The following PCDHGB2 variants were observed in gnomAD, a reference collection of about 807,000 sequenced individuals.
The protein encoded by PCDHGB2 is protocadherin gamma subfamily B, 2.
In PCDHGB2, 55 loss-of-function variants were observed where a neutral mutation model predicts 59.3. The observed-to-expected ratio is 0.93, with a 90% CI of 0.75 to 1.16. The LOEUF (loss-of-function observed/expected upper bound fraction) is 1.16. PCDHGB2 is among the 50% of genes most tolerant of loss of function. The pLI, the probability that PCDHGB2 is intolerant of heterozygous loss-of-function variation, is 0.00. For synonymous variants in PCDHGB2, 516 were observed against 512.0 expected (o/e 1.01, Z -0.11); for missense variants, 1,228 against 1,198.5 (o/e 1.02, Z -0.36).
At chr5:141,383,989 A>G in intron 1 of PCDHGB2, 1 of 1,613,876 alleles carries the variant, frequency 6.2e-7, no homozygotes, top group Non-Finnish European at 8.5e-7. Context: ...ACCTCTTGGG[A>G]CAGTCATTGC....
chr5:141,377,666 T>C (rs1416026384), intron 1 of PCDHGB2: 1 of 152,116 alleles, frequency 6.6e-6, no homozygotes, highest in Admixed American at 6.5e-5. Context: ...ACGACAGACG[T>C]TCATACAAGA....
intron 1 of PCDHGB2, among the ~76,000 whole-genome samples, chr5:141,401,149 C>T (rs1398876381): frequency 6.6e-6 from 1 of 152,132 alleles, no homozygotes; most frequent in Non-Finnish European, 1.5e-5. Flanking sequence ...CAAGACCAGC[C>T]TGGGCAATAT....
chr5:141,409,143 G>C (rs778597273), intron 1 of PCDHGB2: 2 of 1,613,986 alleles, frequency 1.2e-6, no homozygotes, highest in Admixed American at 3.3e-5. Context: ...GATGTAGAAA[G>C]GTACACCATG....
chr5:141,383,387 G>A lies in PCDHGB2; in HGVS notation c.2421+20831G>A, dbSNP rs1779095569. ...AGCGAGGCTGGGGATCCAGATGTGG[G>A]CACGAACTCCCTCCAGAGTTACCAG... is the stretch of plus-strand genomic sequence containing the variant. On this transcript the variant is annotated intron_variant, in intron 1 of 3. Coordinates refer to ENST00000522605, the MANE Select transcript of PCDHGB2 (RefSeq NM_018923.3). 3.7e-6 allele frequency: 6 copies of A among 1,614,010 alleles called. No individual in the cohort carries two copies. The East Asian group carries it at 1.3e-4, about 36-fold the overall frequency.
At chr5:141,460,067 G>T (rs1168161575) in intron 1 of PCDHGB2, among the ~76,000 whole-genome samples, 1 of 151,996 alleles carries the variant, frequency 6.6e-6, no homozygotes, top group Non-Finnish European at 1.5e-5. Flanking sequence ...AACAGAGTGA[G>T]ACTTCATCTA....
Position 141,443,643 on chromosome 5 carries a change from A to C in PCDHGB2, c.2422-51164A>C, listed in dbSNP as rs188777289. The stretch of plus-strand genomic sequence containing the variant: ...GTGATTGTAAAAATTGATCCAGATA[A>C]TGTTAGCATAGCATTTTACTGAACT... On this transcript the variant is annotated intron_variant, in intron 1 of 3. Coordinates refer to ENST00000522605, the MANE Select transcript of PCDHGB2 (RefSeq NM_018923.3). Among the ~76,000 whole-genome samples, 238 of 152,370 alleles carry C rather than the reference A, an allele frequency of 1.6e-3. 2 individuals are homozygous for C. The highest frequency in any genetic ancestry group is 2.5e-3 in the Non-Finnish European group (169 of 68,028).
chr5:141,360,913 T>G lies in PCDHGB2; in HGVS notation c.778T>G (p.Phe260Val). Residue 260 changes from phenylalanine to valine, a missense_variant, in exon 1 of 4, where the codon TTT (phenylalanine) becomes GTT (valine). Around this residue, in one of 3 missense-constraint regions of PCDHGB2, gnomAD observed 781 missense variants for 721.6 expected, o/e 1.08. Transcript: ENST00000522605. ...TLREDVPPGF[F>V]VLQVTATDRD... is the part of the protein sequence containing the mutation. ...GAGGGAGGACGTGCCGCCGGGCTTC[T>G]TTGTGCTTCAAGTGACAGCCACCGA... 6.2e-7 allele frequency: 1 copy of G among 1,614,030 alleles called. No individual in the cohort carries two copies. Among genetic ancestry groups the G allele is most frequent in the Non-Finnish European group, 8.5e-7 (1 of 1,179,898 alleles).
rs371280575 is a variant in PCDHGB2 at position 141,393,339 on chromosome 5, C to T, written c.2421+30783C>T. ...CCAGAGCTACCAGCTCAGCCCCAAT[C>T]ACCACTTCTCCCTGGACGTGCAGAC... On this transcript the variant is annotated intron_variant, in intron 1 of 3. Coordinates refer to ENST00000522605, the MANE Select transcript of PCDHGB2 (RefSeq NM_018923.3). 109 of 1,613,800 alleles carry T rather than the reference C, an allele frequency of 6.8e-5. No individual in the cohort carries two copies. The highest frequency in any genetic ancestry group is 9.2e-5 in the Non-Finnish European group (109 of 1,179,890).
chr5:141,390,239 C>T (rs769717528), intron 1 of PCDHGB2: 1 of 1,614,022 alleles, frequency 6.2e-7, no homozygotes, highest in Admixed American at 1.7e-5. Flanking sequence ...CATCTGGGGC[C>T]TTATTTCCAC....
chr5:141,381,417 G>C (rs954058342), intron 1 of PCDHGB2, among the ~76,000 whole-genome samples: 1 of 152,332 alleles, frequency 6.6e-6, no homozygotes, highest in Admixed American at 6.5e-5. Flanking sequence ...GTGGAGAGAC[G>C]AGTACCTCTA....
At chr5:141,396,104 A>T (rs1423560620) in intron 1 of PCDHGB2, 1 of 152,258 alleles carries the variant, frequency 6.6e-6, no homozygotes, top group African/African-American at 2.4e-5. Flanking sequence ...TGTTGATATT[A>T]AGAACCAATG....
Position 141,486,271 on chromosome 5 carries a change from C to G in PCDHGB2, c.2422-8536C>G, listed in dbSNP as rs143039217. ...CCCTCCCCGAGAGTGCAGAACCTGG[C>G]ACTGTGGTGGCACTTATCAGTGTGC... On this transcript the variant is annotated intron_variant, in intron 1 of 3. Coordinates refer to ENST00000522605, the MANE Select transcript of PCDHGB2 (RefSeq NM_018923.3). The surrounding 1 kb of genome is among the most constrained non-coding windows in gnomAD (Gnocchi z 5.0). 6.2e-7 allele frequency: 1 copy of G among 1,613,968 alleles called. No homozygotes were observed. Among genetic ancestry groups the G allele is most frequent in the African/African-American group, 1.3e-5 (1 of 74,902 alleles).
chr5:141,413,533 C>T (rs777022301), intron 1 of PCDHGB2: 1 of 1,613,934 alleles, frequency 6.2e-7, no homozygotes, highest in Admixed American at 1.7e-5. Context: ...CAGGGTGAAA[C>T]TTTTTGGGAT....
chr5:141,408,974 G>C lies in PCDHGB2; in HGVS notation c.2421+46418G>C, dbSNP rs899313364. 8.7e-6 allele frequency: 14 copies of C among 1,613,690 alleles called. No individual in the cohort carries two copies. In the African/African-American group the frequency reaches 1.9e-4, roughly 22 times the overall value. On this transcript the variant is annotated intron_variant, in intron 1 of 3. Transcript: ENST00000522605. ...TAGTCTTAGTGAAAATCTGCCCCCT[G>C]GGTCCCCTGTGTTGCAAGTGACAGC...
intron 1 of PCDHGB2, chr5:141,427,676 T>G: frequency 1.2e-6 from 1 of 813,766 alleles, no homozygotes; most frequent in Non-Finnish European, 2.1e-6. Flanking sequence ...AAAACAACCT[T>G]CCCGGAGCCT....
intron 1 of PCDHGB2, chr5:141,373,906 A>G: frequency 1.7e-6 from 1 of 604,222 alleles, no homozygotes; most frequent in Admixed American, 3.7e-5. Context: ...ACATCCTCCA[A>G]CAACAAAGCA....
chr5:141,398,866 T>C, intron 1 of PCDHGB2: 1 of 1,613,962 alleles, frequency 6.2e-7, no homozygotes, highest in Non-Finnish European at 8.5e-7. Flanking sequence ...CCGAGACGTG[T>C]ACAGAGTCAG....
At chr5:141,503,325 G>A (rs1002520312) in intron 2 of PCDHGB2, among the ~76,000 whole-genome samples, 10 of 152,104 alleles carry the variant, frequency 6.6e-5, no homozygotes, top group East Asian at 1.9e-4. Flanking sequence ...GGAGGGGCGC[G>A]GTGGCTCACG....
chr5:141,392,615 C>A (rs2092564205), intron 1 of PCDHGB2: 1 of 536,798 alleles, frequency 1.9e-6, no homozygotes, highest in Non-Finnish European at 3.2e-6. Context: ...CAAATGCAAC[C>A]GAAAACACTC....
Sources: allele counts gnomAD v4.1 joint callset (sites outside exome capture counted in the v4.1 genomes callset), GRCh38; gene constraint gnomAD v4.1.1; regional missense constraint gnomAD v4.1.1; non-coding constraint Gnocchi (gnomAD v3.1); transcripts MANE v1.5; gene names NCBI Gene and HGNC (gene_info 2026-07-23, HGNC 2026-07-21).